The following COL26A1 variants were observed in gnomAD, a reference collection of about 807,000 sequenced individuals.
COL26A1 encodes collagen alpha-1(XXVI) chain.
A neutral mutation model predicts 59.3 loss-of-function variants in COL26A1; 41 were observed. The ratio of observed to expected loss-of-function variants is 0.69; its 90% CI spans 0.54 to 0.90. The LOEUF is 0.90. COL26A1 is among the 40% of genes least tolerant of loss of function. The probability of loss-of-function intolerance (pLI) is 0.00; values close to 1 mark genes in which losing one functional copy is unlikely to be tolerated. For missense variants in COL26A1, 612 were observed against 602.3 expected, an observed-to-expected ratio of 1.02 and a Z score of -0.17; for synonymous variants, 266 against 256.0, an observed-to-expected ratio of 1.04 and a Z score of -0.37.
chr7:101,475,813 T>C (rs559564523), intron 3 of COL26A1, among the ~76,000 whole-genome samples: 8 of 148,192 alleles, frequency 5.4e-5, no homozygotes, highest in Admixed American at 3.4e-4. Context: ...TCCTTCTTTC[T>C]TTCTTTCTCT....
rs922088066 is a variant in COL26A1, at chr7:101,503,424, C to G, written c.386-29658C>G. On this transcript the variant is annotated intron_variant, in intron 3 of 12. Transcript: ENST00000313669. The stretch of plus-strand genomic sequence containing the variant: ...CCCTACCCTGCCCTGCCTTGTCACC[C>G]AGGCTGGAGTTCAGTGGTGCGATCA... 7.9e-5 allele frequency among the ~76,000 whole-genome samples: 12 copies of G among 152,276 alleles called. No homozygotes were observed. In the East Asian group the frequency reaches 2.3e-3, roughly 29 times the overall value.
chr7:101,523,022 A>G (rs1485642670), intron 3 of COL26A1, among the ~76,000 whole-genome samples: 1 of 151,732 alleles, frequency 6.6e-6, no homozygotes, highest in East Asian at 1.9e-4. Flanking sequence ...AGTTGGTGAT[A>G]TACTTCTTCA....
At chr7:101,363,521 T>A (rs1489129091) in intron 1 of COL26A1, among the ~76,000 whole-genome samples, 1 of 37,732 alleles carries the variant, frequency 2.7e-5, no homozygotes, top group Non-Finnish European at 4.6e-5. Flanking sequence ...GCAGGGCGAT[T>A]GGGGGCTGGG....
At chr7:101,520,268 A>G in intron 3 of COL26A1, among the ~76,000 whole-genome samples, 1 of 152,000 alleles carries the variant, frequency 6.6e-6, no homozygotes, top group East Asian at 1.9e-4. Flanking sequence ...AGCCCACCCA[A>G]CACCTGCCTG....
At chr7:101,481,034 G>T (rs1209476050) in intron 3 of COL26A1, among the ~76,000 whole-genome samples, 2 of 152,138 alleles carry the variant, frequency 1.3e-5, no homozygotes, top group African/African-American at 4.8e-5. Flanking sequence ...AAATGCTAGT[G>T]AATTTCTGAT....
intron 1 of COL26A1, among the ~76,000 whole-genome samples, chr7:101,390,085 C>A (rs1584364480): frequency 1.4e-5 from 2 of 146,460 alleles, no homozygotes; most frequent in African/African-American, 5.1e-5. Flanking sequence ...GCCAAGAAAT[C>A]ATTGCCAATC....
At chr7:101,369,472 A>G (rs1372541353) in intron 1 of COL26A1, among the ~76,000 whole-genome samples, 2 of 127,900 alleles carry the variant, frequency 1.6e-5, no homozygotes, top group African/African-American at 6.0e-5. Flanking sequence ...TTTTTGAGAC[A>G]GAGTCTCGCT....
In COL26A1 at chr7:101,429,736, G is replaced by A. The variant is rs184288706; in HGVS notation, c.281+9637G>A. On this transcript the variant is annotated intron_variant, in intron 2 of 12. Transcript: ENST00000313669. ...GCCTCCCGAGTAGCTGAGACTACAG[G>A]CACATGCCACCATGCCCAGATAATT... Among the ~76,000 whole-genome samples, 352 of 151,686 alleles carry A rather than the reference G, an allele frequency of 2.3e-3. 1 individual carries two copies. The highest frequency in any genetic ancestry group is 3.7e-3 in the Non-Finnish European group (254 of 67,904).
At chr7:101,556,117 T>C (rs1795970486) in intron 12 of COL26A1, among the ~76,000 whole-genome samples, 1 of 152,138 alleles carries the variant, frequency 6.6e-6, no homozygotes. Context: ...TGCCCAGCCA[T>C]GTTGAGGCCC....
intron 1 of COL26A1, among the ~76,000 whole-genome samples, chr7:101,366,474 ATTTTTTTTTTTTTTTTTTTTTTTTTTTTT>A (rs869149636): frequency 2.6e-5 from 2 of 76,228 alleles, no homozygotes; most frequent in East Asian, 3.7e-4. Flanking sequence ...TTAACGTCTG[ATTTTTTTTTTTTTTTTTTTTTTTTTTTTT>A]TTTTTTTTTT....
chr7:101,428,357 CAAAA>C (rs10565419), intron 2 of COL26A1, among the ~76,000 whole-genome samples: 53 of 130,574 alleles, frequency 4.1e-4, no homozygotes, highest in Non-Finnish European at 4.9e-4. Flanking sequence ...GACCCTGTCT[CAAAA>C]AAAAAAAAAA....
chr7:101,553,631 G>T (rs1369554789), intron 11 of COL26A1, among the ~76,000 whole-genome samples: 1 of 152,172 alleles, frequency 6.6e-6, no homozygotes, highest in South Asian at 2.1e-4. Context: ...GCCCTTGGGG[G>T]GGCTTCCCGG....
intron 2 of COL26A1, among the ~76,000 whole-genome samples, chr7:101,424,549 G>GATC: frequency 6.6e-6 from 1 of 152,258 alleles, no homozygotes; most frequent in Middle Eastern, 3.4e-3. Flanking sequence ...ACTGAGCCAA[G>GATC]ATCATGTTGC....
intron 1 of COL26A1, among the ~76,000 whole-genome samples, chr7:101,376,881 C>A (rs912766977): frequency 6.6e-6 from 1 of 152,124 alleles, no homozygotes; most frequent in African/African-American, 2.4e-5. Context: ...TTTTTTGAGG[C>A]AGAGTCTGGC....
chr7:101,421,285 C>T (rs914812997), intron 2 of COL26A1, among the ~76,000 whole-genome samples: 1 of 152,150 alleles, frequency 6.6e-6, no homozygotes, highest in Non-Finnish European at 1.5e-5. Context: ...CTCCTTCCTC[C>T]GGGGAAGTCA....
chr7:101,461,279 C>G (rs1271354421), intron 3 of COL26A1, among the ~76,000 whole-genome samples: 1 of 150,920 alleles, frequency 6.6e-6, no homozygotes, highest in African/African-American at 2.5e-5. Context: ...GTGTGAGCCA[C>G]TGCACCTGCC....
chr7:101,444,734 C>T (rs1203434875), intron 2 of COL26A1, among the ~76,000 whole-genome samples: 1 of 150,762 alleles, frequency 6.6e-6, no homozygotes, highest in Non-Finnish European at 1.5e-5. Context: ...TCTTTATCAT[C>T]TTGGTCAGTG....
chr7:101,489,547 C>G (rs1162774551), intron 3 of COL26A1, among the ~76,000 whole-genome samples: 1 of 152,146 alleles, frequency 6.6e-6, no homozygotes, highest in African/African-American at 2.4e-5. Flanking sequence ...CCTCCTTCCT[C>G]AGCCTCCTAA....
intron 3 of COL26A1, among the ~76,000 whole-genome samples, chr7:101,468,000 A>G (rs918457334): frequency 1.3e-5 from 2 of 152,058 alleles, no homozygotes; most frequent in African/African-American, 2.4e-5. Context: ...CTGTGCTTGT[A>G]GATTTTCAGG....
Sources: gnomAD v4.1 joint callset for allele counts (sites outside exome capture counted in the v4.1 genomes callset) on GRCh38, gnomAD v4.1.1 for gene constraint, MANE v1.5 for transcripts, NCBI Gene and HGNC (gene_info 2026-07-23, HGNC 2026-07-21) for gene names.